TAFA5: variants seen among roughly 807,000 people sequenced by gnomAD.
TAFA5 encodes the protein TAFA chemokine like family member 5, also known as chemokine-like protein TAFA-5.
TAFA5 carries 6 observed loss-of-function variants against 15.3 expected under a neutral mutation model. That is an observed-to-expected ratio of 0.39 (90% CI 0.21 to 0.77). The LOEUF (loss-of-function observed/expected upper bound fraction) is 0.77, where lower values mean the gene tolerates loss of function less well. TAFA5 is among the 30% of genes least tolerant of loss of function. TAFA5 has a pLI of 0.41. For synonymous variants in TAFA5, 103 were observed against 80.7 expected (o/e 1.28, Z -1.48); for missense variants, 161 against 193.1 (o/e 0.83, Z 0.98).
Position 48,584,574 on chromosome 22 carries a change from C to T in TAFA5, c.113-62023C>T, listed in dbSNP as rs148022669. Among the ~76,000 whole-genome samples the T allele has an allele frequency of 4.1e-3, 602 of 146,696 alleles. 5 individuals carry two copies. Among genetic ancestry groups the T allele is most frequent in the African/African-American group, 0.014 (572 of 39,772 alleles). On this transcript the variant is annotated intron_variant, in intron 1 of 3. Coordinates refer to ENST00000402357, the MANE Select transcript of TAFA5 (RefSeq NM_001082967.3). ...CACACACTACATGCCATGCACCACA[C>T]GACACAAAATACACCTCACACACAC...
At chr22:48,749,615 G>A (rs920716276) in intron 3 of TAFA5, among the ~76,000 whole-genome samples, 1 of 152,188 alleles carries the variant, frequency 6.6e-6, no homozygotes, top group Non-Finnish European at 1.5e-5. Flanking sequence ...TCCAGGTCGT[G>A]CACAGAGGGC....
intron 3 of TAFA5, among the ~76,000 whole-genome samples, chr22:48,713,564 C>T (rs132247): frequency 0.46 from 69,562 of 152,128 alleles, 16,095 homozygotes; most frequent in East Asian, 0.56. Flanking sequence ...GGATGATTCA[C>T]GCCACCTACA....
Position 48,740,293 on chromosome 22 carries a change from G to A in TAFA5, c.391-9546G>A, listed in dbSNP as rs180827269. On this transcript the variant is annotated intron_variant, in intron 3 of 3. Coordinates refer to ENST00000402357, the MANE Select transcript of TAFA5 (RefSeq NM_001082967.3). The stretch of plus-strand genomic sequence containing the variant: ...CAGGGCAGGAGGTGGCTGCAGGAGC[G>A]GGGGCCCTGGGGCAGACGAGCTGGT... 1.9e-4 allele frequency among the ~76,000 whole-genome samples: 29 copies of A among 152,208 alleles called. No individual in the cohort carries two copies. The East Asian group carries it at 4.6e-3, about 24-fold the overall frequency.
intron 1 of TAFA5, among the ~76,000 whole-genome samples, chr22:48,586,032 C>T (rs909597953): frequency 3.3e-5 from 5 of 152,250 alleles, no homozygotes; most frequent in Admixed American, 1.3e-4. Context: ...ACCCCAGCTT[C>T]GGCCTCTGCC....
At chr22:48,543,242 G>T (rs1338050603) in intron 1 of TAFA5, 1 of 152,148 alleles carries the variant, frequency 6.6e-6, no homozygotes, top group South Asian at 2.1e-4. Flanking sequence ...AATCAGCCAG[G>T]CCGCTCCCCT....
At position 48,489,749 on chromosome 22, in the gene TAFA5, C is replaced by G; in HGVS notation, c.112+45C>G. ...GGCCCCGGCACGGCCCTCTGGGCCC[C>G]GGACCCCCTCCTCCGGCCCCGGCAG... On this transcript the variant is annotated intron_variant, in intron 1 of 3. Transcript: ENST00000402357. The surrounding 1 kb of genome is among the most constrained non-coding windows in gnomAD (Gnocchi z 5.5). The G allele has an allele frequency of 8.2e-7, 1 of 1,224,610 alleles. No individual in the cohort carries two copies. The highest frequency in any genetic ancestry group is 1.1e-6 in the Non-Finnish European group (1 of 936,260). The allele number at this position is 1,224,610 out of a possible 1,614,324, so 75.9% of individuals were successfully genotyped here.
chr22:48,558,851 C>T (rs1392966150), intron 1 of TAFA5, among the ~76,000 whole-genome samples: 3 of 152,182 alleles, frequency 2.0e-5, no homozygotes, highest in Non-Finnish European at 2.9e-5. Flanking sequence ...AACGGCGGGC[C>T]CACCTCCTGG....
chr22:48,562,616 C>T (rs1187810819), intron 1 of TAFA5, among the ~76,000 whole-genome samples: 2 of 152,136 alleles, frequency 1.3e-5, no homozygotes, highest in East Asian at 1.9e-4. Context: ...TGGGGACCCC[C>T]GGGGCCCGGT....
intron 3 of TAFA5, among the ~76,000 whole-genome samples, chr22:48,709,812 T>C (rs1414550370): frequency 1.3e-5 from 2 of 152,214 alleles, no homozygotes; most frequent in Non-Finnish European, 2.9e-5. Context: ...ATCACTTGGA[T>C]GCAGGCAGCC....
chr22:48,573,468 C>T (rs536230331), intron 1 of TAFA5, among the ~76,000 whole-genome samples: 39 of 152,340 alleles, frequency 2.6e-4, no homozygotes, highest in Admixed American at 2.2e-3. Context: ...GTTCACACTG[C>T]CATCTGGAGC....
At chr22:48,605,465 A>ATGATGATGG (rs146194848) in intron 1 of TAFA5, among the ~76,000 whole-genome samples, 1 of 124,008 alleles carries the variant, frequency 8.1e-6, no homozygotes, top group Non-Finnish European at 1.9e-5. Context: ...GGTGATGGTA[A>ATGATGATGG]TGATGATGTT....
At chr22:48,652,669 G>A (rs1927095128) in intron 2 of TAFA5, among the ~76,000 whole-genome samples, 1 of 152,194 alleles carries the variant, frequency 6.6e-6, no homozygotes, top group African/African-American at 2.4e-5. Context: ...AGACCCCCAC[G>A]TGGAGCACCG....
intron 1 of TAFA5, among the ~76,000 whole-genome samples, chr22:48,496,427 G>A (rs1421627984): frequency 1.3e-5 from 2 of 152,154 alleles, no homozygotes; most frequent in South Asian, 2.1e-4. Context: ...TGAGCTGTAC[G>A]GTGAGGCAGC....
At chr22:48,686,117 G>T (rs1016994622) in intron 2 of TAFA5, among the ~76,000 whole-genome samples, 2 of 152,322 alleles carry the variant, frequency 1.3e-5, no homozygotes, top group African/African-American at 2.4e-5. Flanking sequence ...TTCTTTCAAA[G>T]CTCCTTCCAG....
chr22:48,596,567 C>T (rs762158443), intron 1 of TAFA5, among the ~76,000 whole-genome samples: 4 of 152,132 alleles, frequency 2.6e-5, no homozygotes, highest in Non-Finnish European at 5.9e-5. Flanking sequence ...CTGCCCCTCC[C>T]ATCCCCACAG....
chr22:48,689,660 CGGA>C (rs1569080331), intron 2 of TAFA5, among the ~76,000 whole-genome samples: 4 of 57,436 alleles, frequency 7.0e-5, no homozygotes, highest in East Asian at 4.6e-4. Flanking sequence ...GCCCCTCGGG[CGGA>C]CAGACTGGCC....
At chr22:48,724,761 C>T (rs1453238718) in intron 3 of TAFA5, among the ~76,000 whole-genome samples, 3 of 152,200 alleles carry the variant, frequency 2.0e-5, no homozygotes, top group Admixed American at 6.5e-5. Context: ...TGGGTCTAAC[C>T]GTAGGACTTA....
intron 2 of TAFA5, among the ~76,000 whole-genome samples, chr22:48,697,573 C>T (rs1290061245): frequency 2.7e-5 from 4 of 148,328 alleles, no homozygotes; most frequent in Admixed American, 6.7e-5. Context: ...GGTAGTATGA[C>T]GGTGATAATG....
At chr22:48,600,708 T>A (rs1424794812) in intron 1 of TAFA5, among the ~76,000 whole-genome samples, 1 of 152,236 alleles carries the variant, frequency 6.6e-6, no homozygotes, top group African/African-American at 2.4e-5. Context: ...TTCATGAGTT[T>A]TAAGCCGCAC....
Sources: gnomAD v4.1 joint callset for allele counts (sites outside exome capture counted in the v4.1 genomes callset) on GRCh38, gnomAD v4.1.1 for gene constraint, Gnocchi (gnomAD v3.1) non-coding constraint, MANE v1.5 for transcripts, NCBI Gene and HGNC (gene_info 2026-07-23, HGNC 2026-07-21) for gene names.